The following ADGRL3 variants were observed in gnomAD, a reference collection of about 807,000 sequenced individuals.
ADGRL3 encodes calcium-independent alpha-latrotoxin receptor 3.
Under a neutral mutation model 153.5 loss-of-function variants are expected in ADGRL3, and 62 were observed. The observed-to-expected ratio is 0.40, with a 90% CI of 0.33 to 0.50. The LOEUF (loss-of-function observed/expected upper bound fraction) is 0.50. Ranked by LOEUF, ADGRL3 falls within the 20% of genes least tolerant of loss-of-function variation. The probability of loss-of-function intolerance (pLI) is 0.47; values close to 1 mark genes in which losing one functional copy is unlikely to be tolerated. For missense variants in ADGRL3, 1,641 were observed against 1,859.4 expected, an observed-to-expected ratio of 0.88 and a Z score of 2.16; for synonymous variants, 710 against 672.5, an observed-to-expected ratio of 1.06 and a Z score of -0.86.
chr4:61,703,204 T>G (rs1337892368), intron 6 of ADGRL3, among the ~76,000 whole-genome samples: 1 of 152,150 alleles, frequency 6.6e-6, no homozygotes, highest in Non-Finnish European at 1.5e-5. Flanking sequence ...GGAGTAATTA[T>G]AGTATCTATC....
At chr4:61,271,794 A>T (rs913095196) in intron 1 of ADGRL3, among the ~76,000 whole-genome samples, 1 of 152,028 alleles carries the variant, frequency 6.6e-6, no homozygotes, top group Non-Finnish European at 1.5e-5. Context: ...GAACATCTCT[A>T]GGCTTCTCTT....
At chr4:61,606,076 A>G (rs1307389846) in intron 5 of ADGRL3, among the ~76,000 whole-genome samples, 1 of 152,176 alleles carries the variant, frequency 6.6e-6, no homozygotes, top group East Asian at 1.9e-4. Context: ...GAGGTGAGCT[A>G]GAAAATGTCA....
intron 8 of ADGRL3, chr4:61,775,790 C>A (rs1294134714): frequency 2.6e-6 from 2 of 775,478 alleles, no homozygotes; most frequent in Non-Finnish European, 2.4e-6. Flanking sequence ...GTCTTCAGCA[C>A]CTCCTGTAAA....
intron 5 of ADGRL3, among the ~76,000 whole-genome samples, chr4:61,632,030 T>A (rs1023527671): frequency 6.6e-6 from 1 of 152,164 alleles, no homozygotes; most frequent in African/African-American, 2.4e-5. Context: ...AAGAGAACTA[T>A]CAAACAGTAT....
chr4:61,809,033 A>C (rs2097580354), intron 8 of ADGRL3, among the ~76,000 whole-genome samples: 1 of 152,110 alleles, frequency 6.6e-6, no homozygotes, highest in African/African-American at 2.4e-5. Context: ...GTCTTTAAAG[A>C]GCAGAAATGT....
chr4:62,032,261 G>T (rs1213309302), intron 23 of ADGRL3, among the ~76,000 whole-genome samples: 1 of 151,220 alleles, frequency 6.6e-6, no homozygotes, highest in Non-Finnish European at 1.5e-5. Flanking sequence ...GTTTACATTT[G>T]TAAGGACATA....
At chr4:61,951,544 G>C (rs1014610422) in intron 17 of ADGRL3, among the ~76,000 whole-genome samples, 1 of 152,190 alleles carries the variant, frequency 6.6e-6, no homozygotes, top group Non-Finnish European at 1.5e-5. Flanking sequence ...ATTCTATGTG[G>C]ATGATAGATG....
Position 61,332,674 on chromosome 4 carries a change from A to C in ADGRL3, c.-239-50450A>C, listed in dbSNP as rs534839940. On this transcript the variant is annotated intron_variant, in intron 1 of 26. Transcript: ENST00000683033. Reference sequence around the variant, plus strand: ...GTTAGTTGATGTTTTGTTGATAATTAAGGTTTTAATGTGTCTGTCAAATAC... The same window carrying C: ...GTTAGTTGATGTTTTGTTGATAATTCAGGTTTTAATGTGTCTGTCAAATAC... Among the ~76,000 whole-genome samples, 105 of 152,288 alleles carry C rather than the reference A, an allele frequency of 6.9e-4. 1 individual carries two copies. The highest frequency in any genetic ancestry group is 3.4e-3 in the Middle Eastern group (1 of 294).
In ADGRL3 at chr4:61,844,575, A is replaced by AAATATAT. The variant is rs1554045137; in HGVS notation, c.1480+30687_1480+30688insATATATA. ...AAAAAAAAAAAAAAAAAAAAAAAAA[A>AAATATAT]ATATATATATATATATATATATTTA... On this transcript the variant is annotated intron_variant, in intron 9 of 26. Transcript: ENST00000683033. 3.6e-3 allele frequency among the ~76,000 whole-genome samples: 65 copies of AAATATAT among 18,116 alleles called. 17 individuals carry two copies. The highest frequency in any genetic ancestry group is 4.7e-3 in the Non-Finnish European group (56 of 11,970). 11.9% of individuals were successfully genotyped at this position (18,116 alleles called of 152,430 possible). A position where few individuals can be genotyped will look rare whatever the true frequency, so the allele number is the denominator to read the frequency against.
chr4:61,877,293 T>A (rs1368603467), intron 9 of ADGRL3, among the ~76,000 whole-genome samples: 1 of 152,188 alleles, frequency 6.6e-6, no homozygotes, highest in African/African-American at 2.4e-5. Flanking sequence ...TCTACCTCAA[T>A]GGTTCCCTGC....
At chr4:61,909,801 G>GTGTA in intron 12 of ADGRL3, 56 bp downstream of exon 12, 1 of 1,118,162 alleles carries the variant, frequency 8.9e-7, no homozygotes, top group Non-Finnish European at 1.2e-6. Flanking sequence ...GTGTGTGTGT[G>GTGTA]TCTTTAAAGT....
At chr4:61,232,663 A>G (rs67258355) in intron 1 of ADGRL3, among the ~76,000 whole-genome samples, 7,845 of 152,146 alleles carry the variant, frequency 0.052, 238 homozygotes, top group Non-Finnish European at 0.069. Flanking sequence ...TGGGGTAATA[A>G]TAGCACTTGC....
At chr4:61,837,258 C>A (rs1378501561) in intron 9 of ADGRL3, among the ~76,000 whole-genome samples, 1 of 152,016 alleles carries the variant, frequency 6.6e-6, no homozygotes, top group African/African-American at 2.4e-5. Context: ...TCTAAGAGGT[C>A]TACAAAGTAA....
intron 23 of ADGRL3, among the ~76,000 whole-genome samples, chr4:62,036,948 A>T (rs555056773): frequency 6.6e-6 from 1 of 152,208 alleles, no homozygotes; most frequent in East Asian, 1.9e-4. Context: ...AAAAGTTGAT[A>T]TATTTCTCTG....
chr4:61,572,203 A>G (rs2098841833), intron 4 of ADGRL3, among the ~76,000 whole-genome samples: 2 of 152,188 alleles, frequency 1.3e-5, no homozygotes, highest in Admixed American at 1.3e-4. Flanking sequence ...CATACAAAAC[A>G]CTATAATCAT....
intron 22 of ADGRL3, among the ~76,000 whole-genome samples, chr4:62,029,304 T>G (rs569369914): frequency 6.6e-6 from 1 of 151,850 alleles, no homozygotes; most frequent in South Asian, 2.1e-4. Flanking sequence ...GGTATAAAAC[T>G]ACCCAATTGC....
At chr4:61,530,342 A>G (rs2098604968) in intron 4 of ADGRL3, among the ~76,000 whole-genome samples, 1 of 151,968 alleles carries the variant, frequency 6.6e-6, no homozygotes, top group Non-Finnish European at 1.5e-5. Flanking sequence ...ATATGGACCA[A>G]TTTCTATATG....
intron 8 of ADGRL3, among the ~76,000 whole-genome samples, chr4:61,775,249 T>C (rs2097134003): frequency 1.3e-5 from 2 of 152,020 alleles, no homozygotes; most frequent in African/African-American, 4.8e-5. Flanking sequence ...ACTAAAAGCT[T>C]TCAGGAACAT....
intron 13 of ADGRL3, among the ~76,000 whole-genome samples, chr4:61,922,319 A>G (rs1236943719): frequency 6.6e-6 from 1 of 152,108 alleles, no homozygotes; most frequent in Non-Finnish European, 1.5e-5. Context: ...ACTAATAGAT[A>G]TTATTTTTTG....
Sources: allele counts gnomAD v4.1 joint callset (sites outside exome capture counted in the v4.1 genomes callset), GRCh38; gene constraint gnomAD v4.1.1; transcripts MANE v1.5; gene names NCBI Gene and HGNC (gene_info 2026-07-23, HGNC 2026-07-21).